The following FAM107B variants were observed in gnomAD, a reference collection of about 807,000 sequenced individuals.
FAM107B encodes protein FAM107B.
In FAM107B, 21 loss-of-function variants were observed where a neutral mutation model predicts 31.5. The ratio of observed to expected loss-of-function variants is 0.67; its 90% CI spans 0.47 to 0.96. The LOEUF (loss-of-function observed/expected upper bound fraction) is 0.96, where lower values mean the gene tolerates loss of function less well. FAM107B is among the 40% of genes least tolerant of loss of function. The pLI is 0.00. For missense variants in FAM107B, 452 were observed against 377.1 expected (o/e 1.20, Z -1.64); for synonymous variants, 157 against 141.5 (o/e 1.11, Z -0.78).
At chr10:14,662,667 G>A (rs1448561127) in intron 2 of FAM107B, among the ~76,000 whole-genome samples, 1 of 152,124 alleles carries the variant, frequency 6.6e-6, no homozygotes, top group Non-Finnish European at 1.5e-5. Context: ...CATTTCATAA[G>A]TAGATCTGAG....
chr10:14,725,858 C>T (rs1856022195), intron 1 of FAM107B, among the ~76,000 whole-genome samples: 1 of 111,936 alleles, frequency 8.9e-6, no homozygotes, highest in African/African-American at 3.6e-5. Flanking sequence ...TGGAGTCTTG[C>T]TCTGTTGCCC....
At chr10:14,657,534 A>C (rs1385546112) in intron 2 of FAM107B, among the ~76,000 whole-genome samples, 1 of 152,176 alleles carries the variant, frequency 6.6e-6, no homozygotes, top group Non-Finnish European at 1.5e-5. Context: ...GTCACCAGAG[A>C]AACATCTCCT....
intron 2 of FAM107B, among the ~76,000 whole-genome samples, chr10:14,618,452 T>G (rs1326648742): frequency 6.6e-6 from 1 of 152,084 alleles, no homozygotes; most frequent in East Asian, 1.9e-4. Context: ...TTGTATGGTA[T>G]TATGGGTTGG....
intron 2 of FAM107B, among the ~76,000 whole-genome samples, chr10:14,654,877 G>A (rs1854002638): frequency 6.6e-6 from 1 of 152,180 alleles, no homozygotes. Flanking sequence ...AGAGAACTGT[G>A]TTCAGAAAAG....
intron 1 of FAM107B, among the ~76,000 whole-genome samples, chr10:14,693,672 C>T (rs1855199354): frequency 6.6e-6 from 1 of 152,056 alleles, no homozygotes; most frequent in Admixed American, 6.6e-5. Context: ...TAGTGACAGT[C>T]TTCATGTTGT....
At chr10:14,750,943 G>A (rs1022154983) in intron 1 of FAM107B, among the ~76,000 whole-genome samples, 1 of 152,192 alleles carries the variant, frequency 6.6e-6, no homozygotes. Context: ...GAGGAATCAG[G>A]GGTGGGCACG....
chr10:14,676,212 A>G (rs1854679527), intron 1 of FAM107B, among the ~76,000 whole-genome samples: 1 of 152,194 alleles, frequency 6.6e-6, no homozygotes, highest in South Asian at 2.1e-4. Flanking sequence ...GCATCTAATT[A>G]CACATTTTGA....
intron 2 of FAM107B, among the ~76,000 whole-genome samples, chr10:14,576,222 C>T (rs570282919): frequency 5.3e-5 from 8 of 152,266 alleles, no homozygotes; most frequent in African/African-American, 1.2e-4. Flanking sequence ...TATTTCACCA[C>T]GATTTTTTAA....
intron 1 of FAM107B, among the ~76,000 whole-genome samples, chr10:14,717,000 G>T (rs1323016787): frequency 1.3e-5 from 2 of 152,162 alleles, no homozygotes; most frequent in Non-Finnish European, 2.9e-5. Flanking sequence ...TGAGGCAAGA[G>T]AATCCCTGGA....
intron 2 of FAM107B, among the ~76,000 whole-genome samples, chr10:14,562,900 A>G (rs944538649): frequency 1.3e-5 from 2 of 152,252 alleles, no homozygotes; most frequent in African/African-American, 4.8e-5. Context: ...TTCTTTTGCC[A>G]TTTCACTTAG....
At chr10:14,680,193 G>C (rs1854796854) in intron 1 of FAM107B, among the ~76,000 whole-genome samples, 1 of 152,130 alleles carries the variant, frequency 6.6e-6, no homozygotes, top group Non-Finnish European at 1.5e-5. Context: ...TGAGTTCCCA[G>C]CATAGAACTC....
chr10:14,539,366 C>G (rs7083741), intron 2 of FAM107B, among the ~76,000 whole-genome samples: 18,543 of 152,164 alleles, frequency 0.12, 1,229 homozygotes, highest in Non-Finnish European at 0.15. Context: ...GCTTTCCATG[C>G]AAACTAGCAA....
intron 1 of FAM107B, among the ~76,000 whole-genome samples, chr10:14,677,891 G>T (rs1188507056): frequency 6.6e-6 from 1 of 152,198 alleles, no homozygotes; most frequent in Non-Finnish European, 1.5e-5. Flanking sequence ...GCATTAAAAA[G>T]CGGTGTATTG....
intron 2 of FAM107B, among the ~76,000 whole-genome samples, chr10:14,629,953 C>T: frequency 6.6e-6 from 1 of 152,142 alleles, no homozygotes; most frequent in East Asian, 1.9e-4. Context: ...AAACTGCAAA[C>T]ACACTTTCAA....
At chr10:14,648,340 C>T (rs930058205) in intron 2 of FAM107B, among the ~76,000 whole-genome samples, 4 of 152,126 alleles carry the variant, frequency 2.6e-5, no homozygotes, top group African/African-American at 7.2e-5. Context: ...GCAGCATGAA[C>T]GAGGGGAAAC....
chr10:14,717,664 G>A (rs1050442687), intron 1 of FAM107B, among the ~76,000 whole-genome samples: 5 of 152,324 alleles, frequency 3.3e-5, no homozygotes, highest in African/African-American at 1.2e-4. Context: ...CACACTGCCA[G>A]CCAGTTGGAT....
intron 2 of FAM107B, among the ~76,000 whole-genome samples, chr10:14,614,838 C>T (rs953563293): frequency 7.2e-4 from 110 of 152,008 alleles, no homozygotes; most frequent in African/African-American, 2.1e-3. Context: ...CCAGGTTACA[C>T]GAGACAGGGA....
In FAM107B at chr10:14,774,210, C is replaced by T. The variant is rs776604049; in HGVS notation, c.411+43G>A. On this transcript the variant is annotated intron_variant, in intron 1 of 4. Transcript: ENST00000181796. ...TCGCCACATGATCCCAACGCTCCTC[C>T]AGCTCCATCCCGTCTATAATCGCAG... The T allele has an allele frequency of 3.2e-6, 5 of 1,560,630 alleles. No homozygotes were observed. The African/African-American group carries it at 4.1e-5, about 13-fold the overall frequency.
At chr10:14,691,893 C>CCA in intron 1 of FAM107B, among the ~76,000 whole-genome samples, 1 of 129,206 alleles carries the variant, frequency 7.7e-6, no homozygotes, top group Non-Finnish European at 1.6e-5. Flanking sequence ...GACTCTGTCA[C>CCA]AAAAAAAAAA....
Sources: gnomAD v4.1 joint callset for allele counts (sites outside exome capture counted in the v4.1 genomes callset) on GRCh38, gnomAD v4.1.1 for gene constraint, MANE v1.5 for transcripts, NCBI Gene and HGNC (gene_info 2026-07-23, HGNC 2026-07-21) for gene names.